PTPRD: variants seen among roughly 807,000 people sequenced by gnomAD.
The protein encoded by PTPRD is protein tyrosine phosphatase receptor type D, also known as receptor-type tyrosine-protein phosphatase delta.
In PTPRD, 34 loss-of-function variants were observed where a neutral mutation model predicts 214.5. The ratio of observed to expected loss-of-function variants is 0.16; its 90% CI spans 0.12 to 0.21. PTPRD has a LOEUF of 0.21. Among genes scored for constraint, PTPRD ranks in the 10% least tolerant of loss-of-function variants. PTPRD has a pLI of 1.00. For missense variants in PTPRD, 2,545 were observed against 2,398.7 expected (o/e 1.06, Z -1.27); for synonymous variants, 1,128 against 845.7 (o/e 1.33, Z -5.79).
intron 2 of PTPRD, among the ~76,000 whole-genome samples, chr9:10,540,300 T>C (rs185608208): frequency 3.0e-4 from 45 of 152,316 alleles, no homozygotes; most frequent in African/African-American, 1.1e-3. Context: ...AGTGCTGGGA[T>C]TGCAGGCATG....
chr9:9,648,855 C>T (rs755281980), intron 7 of PTPRD, among the ~76,000 whole-genome samples: 1 of 151,968 alleles, frequency 6.6e-6, no homozygotes, highest in Admixed American at 6.6e-5. Flanking sequence ...AGATGGGAAA[C>T]AGAAAAATGA....
At chr9:9,336,446 T>C (rs2044516243) in intron 9 of PTPRD, among the ~76,000 whole-genome samples, 2 of 152,180 alleles carry the variant, frequency 1.3e-5, no homozygotes, top group South Asian at 2.1e-4. Flanking sequence ...GTGATCTTGA[T>C]GTCCAACCAG....
chr9:9,334,357 CA>C (rs1053056615), intron 9 of PTPRD, among the ~76,000 whole-genome samples: 10 of 151,934 alleles, frequency 6.6e-5, no homozygotes, highest in African/African-American at 2.4e-4. Flanking sequence ...GGTATGTGTA[CA>C]AATGTGAAGC....
At chr9:9,164,204 C>A (rs546035872) in intron 10 of PTPRD, among the ~76,000 whole-genome samples, 18 of 152,102 alleles carry the variant, frequency 1.2e-4, no homozygotes, top group Admixed American at 1.2e-3. Flanking sequence ...GGAGGATATA[C>A]AAGATAATCA....
At chr9:9,766,267 C>T (rs1404528453) in intron 6 of PTPRD, among the ~76,000 whole-genome samples, 2 of 152,062 alleles carry the variant, frequency 1.3e-5, no homozygotes, top group Admixed American at 6.5e-5. Flanking sequence ...AAATAACAGG[C>T]ATTGTGTATT....
At chr9:9,346,968 C>G (rs1462749921) in intron 9 of PTPRD, among the ~76,000 whole-genome samples, 3 of 152,088 alleles carry the variant, frequency 2.0e-5, no homozygotes, top group Admixed American at 2.0e-4. Flanking sequence ...GCTGGGATTA[C>G]AGGTGTGAGC....
At chr9:9,441,491 G>C (rs1178448573) in intron 8 of PTPRD, among the ~76,000 whole-genome samples, 1 of 152,138 alleles carries the variant, frequency 6.6e-6, no homozygotes. Flanking sequence ...AGAGTGCTGA[G>C]GCTTCAAAAG....
At chr9:9,156,305 A>G (rs891621952) in intron 10 of PTPRD, among the ~76,000 whole-genome samples, 1 of 151,886 alleles carries the variant, frequency 6.6e-6, no homozygotes, top group Non-Finnish European at 1.5e-5. Context: ...CTGACTTCCT[A>G]ATTTTTCATG....
intron 12 of PTPRD, among the ~76,000 whole-genome samples, chr9:8,723,759 T>C (rs928995542): frequency 6.6e-6 from 1 of 152,212 alleles, no homozygotes; most frequent in Non-Finnish European, 1.5e-5. Flanking sequence ...GGTTTAAGTA[T>C]ATGTTTCTCT....
intron 14 of PTPRD, among the ~76,000 whole-genome samples, chr9:8,624,042 T>C (rs2095917061): frequency 6.6e-6 from 1 of 152,078 alleles, no homozygotes; most frequent in South Asian, 2.1e-4. Flanking sequence ...TAGATTTTTA[T>C]CTAGTCTGTG....
chr9:9,305,088 T>A (rs12344759), intron 9 of PTPRD, among the ~76,000 whole-genome samples: 1 of 150,640 alleles, frequency 6.6e-6, no homozygotes, highest in Non-Finnish European at 1.5e-5. Flanking sequence ...TTCTGGAAAT[T>A]GGTGGAAAAT....
intron 14 of PTPRD, among the ~76,000 whole-genome samples, chr9:8,538,651 A>G (rs886912744): frequency 8.6e-5 from 13 of 151,338 alleles, no homozygotes; most frequent in Admixed American, 7.9e-4. Flanking sequence ...GTATACATAT[A>G]CTATACATAT....
chr9:8,730,471 G>A (rs1042499929), intron 12 of PTPRD, among the ~76,000 whole-genome samples: 3 of 152,068 alleles, frequency 2.0e-5, no homozygotes, highest in African/African-American at 7.2e-5. Flanking sequence ...TCTGAGATCA[G>A]GTAAACATTC....
At chr9:9,356,085 G>C (rs1452146597) in intron 9 of PTPRD, among the ~76,000 whole-genome samples, 1 of 151,348 alleles carries the variant, frequency 6.6e-6, no homozygotes, top group African/African-American at 2.4e-5. Flanking sequence ...GCAGTTTTAA[G>C]AGAAGAGGTA....
chr9:9,245,125 T>C (rs1309788842), intron 9 of PTPRD, among the ~76,000 whole-genome samples: 1 of 152,064 alleles, frequency 6.6e-6, no homozygotes, highest in Non-Finnish European at 1.5e-5. Context: ...ATCATTAAAA[T>C]GTCAGGTAAC....
At chr9:9,459,879 G>C (rs1376043520) in intron 8 of PTPRD, among the ~76,000 whole-genome samples, 1 of 151,908 alleles carries the variant, frequency 6.6e-6, no homozygotes, top group Non-Finnish European at 1.5e-5. Flanking sequence ...AAGAGCCCAA[G>C]TAGCCAAACC....
At chr9:9,537,706 G>C (rs1193295934) in intron 8 of PTPRD, among the ~76,000 whole-genome samples, 1 of 151,850 alleles carries the variant, frequency 6.6e-6, no homozygotes, top group East Asian at 1.9e-4. Flanking sequence ...CCCTAAGACA[G>C]ATGTTTCTCA....
intron 11 of PTPRD, among the ~76,000 whole-genome samples, chr9:8,738,209 G>C (rs1036220508): frequency 6.6e-6 from 1 of 152,122 alleles, no homozygotes; most frequent in African/African-American, 2.4e-5. Flanking sequence ...ACAACAAAGA[G>C]CGCACTTGCC....
chr9:9,564,929 C>T (rs72706533), intron 8 of PTPRD, among the ~76,000 whole-genome samples: 89 of 103,266 alleles, frequency 8.6e-4, no homozygotes, highest in Non-Finnish European at 1.4e-3. Context: ...GCACCTAAGG[C>T]TAACCTGTTA....
Sources: allele counts gnomAD v4.1 joint callset (sites outside exome capture counted in the v4.1 genomes callset), GRCh38; gene constraint gnomAD v4.1.1; transcripts MANE v1.5; gene names NCBI Gene and HGNC (gene_info 2026-07-23, HGNC 2026-07-21).